The following ADGRG5 variants were observed in gnomAD, a reference collection of about 807,000 sequenced individuals.
The protein encoded by ADGRG5 is adhesion G protein-coupled receptor G5, also known as G protein-coupled receptor 114.
In ADGRG5, 37 loss-of-function variants were observed where a neutral mutation model predicts 53.2. The observed-to-expected ratio is 0.70, with a 90% CI of 0.53 to 0.91. The LOEUF (loss-of-function observed/expected upper bound fraction) is 0.91. Among genes scored for constraint, ADGRG5 ranks in the 40% least tolerant of loss-of-function variants. The pLI is 0.00. For synonymous variants in ADGRG5, 277 were observed against 290.4 expected (o/e 0.95, Z 0.47); for missense variants, 614 against 675.8 (o/e 0.91, Z 1.01).
intron 5 of ADGRG5, among the ~76,000 whole-genome samples, chr16:57,564,273 A>G (rs1169540627): frequency 2.6e-5 from 4 of 152,064 alleles, no homozygotes; most frequent in African/African-American, 7.2e-5. Flanking sequence ...CTGCCCTCAG[A>G]TAACTCTCTG....
chr16:57,563,767 G>A (rs905970073), intron 4 of ADGRG5, 81 bp from the exon 5 acceptor site: 22 of 1,571,932 alleles, frequency 1.4e-5, no homozygotes, highest in South Asian at 2.2e-5. Context: ...AAGGTTTCAC[G>A]GGGAGTGGGA....
At chr16:57,571,934 T>C (rs1285534582) in intron 10 of ADGRG5, among the ~76,000 whole-genome samples, 1 of 151,978 alleles carries the variant, frequency 6.6e-6, no homozygotes, top group Non-Finnish European at 1.5e-5. Flanking sequence ...GTGAACACTA[T>C]GCCCAGCCTA....
In ADGRG5 at chr16:57,552,847, G is replaced by A. The variant is rs150543239; in HGVS notation, c.-38-9209G>A. Among the ~76,000 whole-genome samples the A allele has an allele frequency of 2.6e-5, 4 of 152,278 alleles. No homozygotes were observed. In the East Asian group the frequency reaches 7.7e-4, roughly 29 times the overall value. ...TTCTAGCTTTTGATTTAAAATGAGA[G>A]ATGTGTGACTCTTTCTTCTACTTGA... On this transcript the variant is annotated intron_variant, in intron 1 of 11. Coordinates refer to ENST00000349457, the MANE Select transcript of ADGRG5 (RefSeq NM_001304376.3).
chr16:57,536,527 C>G, the ADGRG5 span: 1 of 152,214 alleles, frequency 6.6e-6, no homozygotes, highest in African/African-American at 2.4e-5. Context: ...GGGCTCCGTA[C>G]GTCCCAGCCG....
chr16:57,545,189 T>G (rs2146749772), intron 1 of ADGRG5, among the ~76,000 whole-genome samples: 1 of 152,304 alleles, frequency 6.6e-6, no homozygotes, highest in Middle Eastern at 3.4e-3. Flanking sequence ...CCTCTGTGAC[T>G]CCATAGTCTC....
chr16:57,569,543 C>G (rs1424240081), intron 9 of ADGRG5, among the ~76,000 whole-genome samples: 1 of 151,764 alleles, frequency 6.6e-6, no homozygotes, highest in Non-Finnish European at 1.5e-5. Flanking sequence ...TCCTCCACCT[C>G]TATCATCACC....
intron 1 of ADGRG5, among the ~76,000 whole-genome samples, chr16:57,544,684 T>G (rs144350166): frequency 8.7e-4 from 133 of 152,328 alleles, no homozygotes; most frequent in African/African-American, 2.3e-3. Context: ...ATCCTTTCTG[T>G]GCTGTCAGGT....
intron 8 of ADGRG5, 51 bp from the exon 9 acceptor site, chr16:57,567,805 G>C (rs1383697178): frequency 6.4e-7 from 1 of 1,567,926 alleles, no homozygotes. Flanking sequence ...AGTGGGTAGT[G>C]CTGCCTGGGT....
At chr16:57,573,953 C>A (rs1490673301) in intron 10 of ADGRG5, among the ~76,000 whole-genome samples, 2 of 152,150 alleles carry the variant, frequency 1.3e-5, no homozygotes, top group Non-Finnish European at 1.5e-5. Context: ...AACTCCTGAC[C>A]TCAAGTGATT....
chr16:57,547,916 T>C (rs2032657846), intron 1 of ADGRG5, among the ~76,000 whole-genome samples: 1 of 152,100 alleles, frequency 6.6e-6, no homozygotes, highest in Admixed American at 6.6e-5. Flanking sequence ...CCTGGCTAAT[T>C]TTTATATTTT....
intron 5 of ADGRG5, among the ~76,000 whole-genome samples, chr16:57,564,372 T>C (rs1265891048): frequency 6.6e-5 from 10 of 151,214 alleles, no homozygotes; most frequent in Non-Finnish European, 1.2e-4. Flanking sequence ...TGCAGTGGCA[T>C]GATCTCGGCT....
intron 3 of ADGRG5, 61 bp from the exon 4 acceptor site, chr16:57,563,030 C>T: frequency 1.9e-6 from 3 of 1,583,740 alleles, no homozygotes; most frequent in Non-Finnish European, 2.6e-6. Context: ...TGTCTACAGC[C>T]CCCTCTCACC....
chr16:57,574,768 C>G lies in ADGRG5; in HGVS notation c.1209-47C>G, dbSNP rs558567162. The G allele has an allele frequency of 1.4e-5, 21 of 1,520,210 alleles. No individual in the cohort carries two copies. In the African/African-American group the frequency reaches 2.5e-4, roughly 18 times the overall value. 94.2% of individuals were successfully genotyped at this position (1,520,210 alleles called of 1,614,324 possible). A position where few individuals can be genotyped will look rare whatever the true frequency, so the allele number is the denominator to read the frequency against. ...TCAGGGAGTGATGCTGGCCTCCCCG[C>G]GGGCCTGGGAGCCACTGTGAGCCTG... is the stretch of plus-strand genomic sequence containing the variant. On this transcript the variant is annotated intron_variant, in intron 10 of 11. Coordinates refer to ENST00000349457, the MANE Select transcript of ADGRG5 (RefSeq NM_001304376.3). This position sits in a 1 kb window ranked among gnomAD's most constrained non-coding sequence, Gnocchi z 4.4.
chr16:57,565,057 G>A lies in ADGRG5; in HGVS notation c.453G>A (p.Leu151=), dbSNP rs1229184448. 3.7e-6 allele frequency: 6 copies of A among 1,613,542 alleles called. No homozygotes were observed. Among genetic ancestry groups the A allele is most frequent in the Non-Finnish European group, 5.1e-6 (6 of 1,179,544 alleles). ...AGGATGAAAACAACTCATCTCTGCT[G>A]AATAACTACGTCCTGGGGGCCCAGC... ...FFKDENNSSL[L]NNYVLGAQLS... Residue 151 remains leucine, a synonymous_variant, in exon 6 of 12, where the codon CTG becomes CTA. Transcript: ENST00000349457.
Position 57,575,470 on chromosome 16 carries a change from C to A in ADGRG5, c.1519C>A (p.Arg507=). The part of the protein sequence containing the change: ...FFLFLWFCSQ[R]CRSEAEAKAQ... ...CCTTTTCCTGTGGTTCTGCTCCCAGCGGTGCCGCTCAGAAGCAGAGGCCAA... is the reference window on the plus strand; with the variant it reads ...CCTTTTCCTGTGGTTCTGCTCCCAGAGGTGCCGCTCAGAAGCAGAGGCCAA... The change falls in exon 12 of 12, where the codon CGG becomes AGG. Residue 507 remains arginine, a synonymous_variant. Transcript: ENST00000349457. The A allele has an allele frequency of 1.2e-6, 2 of 1,614,146 alleles. No homozygotes were observed. Among genetic ancestry groups the A allele is most frequent in the Non-Finnish European group, 1.7e-6 (2 of 1,179,980 alleles).
At chr16:57,568,161 C>T in intron 9 of ADGRG5, 37 bp downstream of exon 9, 1 of 1,606,086 alleles carries the variant, frequency 6.2e-7, no homozygotes, top group Non-Finnish European at 8.5e-7. Context: ...CTCAGACTTC[C>T]AGGTGGGCAG....
chr16:57,558,289 C>G (rs1311268175), intron 1 of ADGRG5, among the ~76,000 whole-genome samples: 1 of 152,144 alleles, frequency 6.6e-6, no homozygotes, highest in African/African-American at 2.4e-5. Flanking sequence ...TTTGTTGTTG[C>G]TATAGTTACC....
chr16:57,529,222 A>G, the ADGRG5 span: 1 of 1,148,864 alleles, frequency 8.7e-7, no homozygotes, highest in Non-Finnish European at 1.1e-6. The surrounding 1 kb of genome is among the most constrained non-coding windows in gnomAD (Gnocchi z 4.1). Context: ...GGTCGGGCTC[A>G]GGGGCGGCTC....
At chr16:57,559,787 T>G (rs557779345) in intron 1 of ADGRG5, among the ~76,000 whole-genome samples, 36 of 152,254 alleles carry the variant, frequency 2.4e-4, no homozygotes, top group African/African-American at 7.9e-4. Context: ...TTTCCCATTG[T>G]TATGATGGGA....
Sources: gnomAD v4.1 joint callset for allele counts (sites outside exome capture counted in the v4.1 genomes callset) on GRCh38, gnomAD v4.1.1 for gene constraint, Gnocchi (gnomAD v3.1) non-coding constraint, MANE v1.5 for transcripts, NCBI Gene and HGNC (gene_info 2026-07-23, HGNC 2026-07-21) for gene names.